Variants in VWCE observed in about 807,000 individuals in gnomAD.
VWCE encodes the protein von Willebrand factor C and EGF domains.
In VWCE, 68 loss-of-function variants were observed where a neutral mutation model predicts 102.9. The observed-to-expected ratio is 0.66, with a 90% confidence interval of 0.54 to 0.81. The LOEUF is 0.81. VWCE is among the 30% of genes least tolerant of loss of function. The probability of loss-of-function intolerance (pLI) is 0.00; values close to 1 mark genes in which losing one functional copy is unlikely to be tolerated. For synonymous variants in VWCE, 497 were observed against 515.4 expected, an observed-to-expected ratio of 0.96 and a Z score of 0.48; for missense variants, 1,137 against 1,263.6, an observed-to-expected ratio of 0.90 and a Z score of 1.52.
chr11:61,271,837 G>A (rs974449161), intron 13 of VWCE, 77 bp from the exon 14 acceptor site: 100 of 1,279,298 alleles, frequency 7.8e-5, no homozygotes, highest in African/African-American at 7.5e-4. Context: ...TGCCTCATGC[G>A]CACAAACACA....
chr11:61,262,069 TCA>T (rs1854376193), intron 19 of VWCE, among the ~76,000 whole-genome samples: 1 of 152,118 alleles, frequency 6.6e-6, no homozygotes, highest in South Asian at 2.1e-4. Context: ...TTCTCCTGCC[TCA>T]GCCTCCCAAA....
In VWCE at chr11:61,291,299, G is replaced by A. The variant is rs561200697; in HGVS notation, c.260C>T (p.Ser87Phe). 40 of 1,608,072 alleles carry A rather than the reference G, an allele frequency of 2.5e-5. No individual in the cohort carries two copies. In the South Asian group the frequency reaches 4.2e-4, roughly 17 times the overall value. Residue 87 changes from serine to phenylalanine, a missense_variant, in exon 3 of 20, where the codon TCC becomes TTC. Ser to Phe is a radical substitution (Grantham distance 155). Transcript: ENST00000335613. Reference sequence around the variant, plus strand: ...GGCCCCTTGCTCTCCATCCTGGCAGGAGCAGACATTGGGAGCGATGCAGAT... The same window carrying A: ...GGCCCCTTGCTCTCCATCCTGGCAGAAGCAGACATTGGGAGCGATGCAGAT... ...SGICIAPNVCSCQDGEQGATC... is the reference protein window; with the variant it reads ...SGICIAPNVCFCQDGEQGATC...
At chr11:61,259,335 A>G in intron 19 of VWCE, 23 bp from the exon 20 acceptor site, 1 of 1,548,536 alleles carries the variant, frequency 6.5e-7, no homozygotes, top group Non-Finnish European at 8.7e-7. Flanking sequence ...GGGTGAAACG[A>G]GATGCACAAT....
chr11:61,280,935 T>C lies in VWCE; in HGVS notation c.1088A>G (p.Glu363Gly). The C allele has an allele frequency of 1.3e-6, 2 of 1,526,674 alleles. No individual in the cohort carries two copies. The highest frequency in any genetic ancestry group is 2.3e-5 in the East Asian group (1 of 43,982). 94.6% of individuals were successfully genotyped at this position (1,526,674 alleles called of 1,614,324 possible). A position where few individuals can be genotyped will look rare whatever the true frequency, so the allele number is the denominator to read the frequency against. ...GGGTGAGGAAGGGGTCCCCATCACCTCCCCCTGAAGGAGTGAGGGGGGTCT... is the reference window on the plus strand; with the variant it reads ...GGGTGAGGAAGGGGTCCCCATCACCCCCCCCTGAAGGAGTGAGGGGGGTCT... ...NLRPPSLLQG[E>G]VMGTPSSPRG... The change falls in exon 8 of 20, where the codon GAG becomes GGG. Residue 363 changes from glutamate (E) to glycine (G), a missense_variant. Physicochemically the swap from Glu to Gly is moderately conservative, Grantham distance 98. This residue lies in a region of VWCE where 575 missense variants were observed against 625.9 expected (regional missense o/e 0.92). Coordinates refer to ENST00000335613, the MANE Select transcript of VWCE (RefSeq NM_152718.2).
intron 13 of VWCE, 143 bp downstream of exon 13, chr11:61,273,056 T>G: frequency 2.6e-6 from 2 of 778,656 alleles, no homozygotes; most frequent in South Asian, 3.3e-5. Flanking sequence ...ACACAAAAAC[T>G]CACACTCATA....
Position 61,291,503 on chromosome 11 carries a change from C to G in VWCE, c.184G>C (p.Gly62Arg). Reference sequence around the variant, plus strand: ...TTACGCAGGGTGCAGTGCCCACCACCCATAGAGGGCGCCCAGCCAGGGCAG... The same window carrying G: ...TTACGCAGGGTGCAGTGCCCACCACGCATAGAGGGCGCCCAGCCAGGGCAG... ...GCCPGWAPSM[G>R]GGHCTLPLCS... The change falls in exon 2 of 20, where the codon GGT becomes CGT. Residue 62 changes from glycine to arginine, a missense_variant. Physicochemically the swap from Gly to Arg is moderately radical, Grantham distance 125. Coordinates refer to ENST00000335613, the MANE Select transcript of VWCE (RefSeq NM_152718.2). The G allele has an allele frequency of 6.5e-7, 1 of 1,537,640 alleles. No individual in the cohort carries two copies. Among genetic ancestry groups the G allele is most frequent in the Non-Finnish European group, 8.8e-7 (1 of 1,137,798 alleles).
intron 11 of VWCE, 113 bp downstream of exon 11, chr11:61,276,480 G>T: frequency 2.6e-6 from 2 of 765,408 alleles, no homozygotes; most frequent in South Asian, 6.4e-5. Context: ...CACTTTGAGA[G>T]GCTGAAGCAG....
chr11:61,273,443 T>G (rs1416548890), intron 12 of VWCE, 127 bp from the exon 13 acceptor site: 22 of 852,230 alleles, frequency 2.6e-5, no homozygotes, highest in Middle Eastern at 2.9e-4. Context: ...GACAAAGAAA[T>G]CTACTAAAGT....
At chr11:61,260,024 G>A (rs548277500) in intron 19 of VWCE, among the ~76,000 whole-genome samples, 1 of 152,318 alleles carries the variant, frequency 6.6e-6, no homozygotes, top group East Asian at 1.9e-4. Flanking sequence ...GAGAAGCCGA[G>A]GCGGCGGATC....
intron 3 of VWCE, 29 bp from the exon 4 acceptor site, chr11:61,290,956 G>A (rs1474359969): frequency 1.3e-6 from 2 of 1,597,162 alleles, no homozygotes; most frequent in Non-Finnish European, 1.7e-6. Flanking sequence ...CAGTGAGCAT[G>A]CACCCCGTGG....
At chr11:61,279,029 A>G (rs914129297) in intron 9 of VWCE, among the ~76,000 whole-genome samples, 2 of 150,902 alleles carry the variant, frequency 1.3e-5, no homozygotes, top group African/African-American at 4.9e-5. Context: ...ACAAAGCAAC[A>G]CTCCGTCTTA....
intron 18 of VWCE, 79 bp downstream of exon 18, chr11:61,264,877 C>A: frequency 6.8e-7 from 1 of 1,469,988 alleles, no homozygotes; most frequent in Non-Finnish European, 9.4e-7. Flanking sequence ...GGCTAAAGGG[C>A]TCCATGTTTT....
chr11:61,274,324 G>T (rs1034984415), intron 12 of VWCE, among the ~76,000 whole-genome samples, 175 bp downstream of exon 12: 1 of 152,170 alleles, frequency 6.6e-6, no homozygotes, highest in African/African-American at 2.4e-5. Flanking sequence ...GAAAGATGAA[G>T]TTCAAAGAGA....
chr11:61,259,773 C>G (rs1191068744), intron 19 of VWCE, among the ~76,000 whole-genome samples: 1 of 152,158 alleles, frequency 6.6e-6, no homozygotes, highest in African/African-American at 2.4e-5. Context: ...TATGGGAACT[C>G]TCTGTACTTT....
At chr11:61,267,406 G>T in intron 16 of VWCE, 56 bp downstream of exon 16, 2 of 1,549,686 alleles carry the variant, frequency 1.3e-6, no homozygotes, top group Non-Finnish European at 1.8e-6. Flanking sequence ...TTCAGGAGCC[G>T]ATGTCAGTTG....
intron 16 of VWCE, among the ~76,000 whole-genome samples, chr11:61,265,609 G>A (rs1236588267): frequency 6.6e-6 from 1 of 152,220 alleles, no homozygotes; most frequent in Non-Finnish European, 1.5e-5. Flanking sequence ...TTTACCGTGA[G>A]TTTCTCAATC....
At chr11:61,268,749 C>T (rs1235980400) in intron 15 of VWCE, among the ~76,000 whole-genome samples, 173 bp downstream of exon 15, 1 of 152,204 alleles carries the variant, frequency 6.6e-6, no homozygotes, top group Non-Finnish European at 1.5e-5. Context: ...GCCTCGAGCA[C>T]TCAGAGGGGG....
chr11:61,272,877 C>A (rs1196082133), intron 13 of VWCE, among the ~76,000 whole-genome samples: 2 of 151,836 alleles, frequency 1.3e-5, no homozygotes, highest in Non-Finnish European at 2.9e-5. Context: ...TACACACACA[C>A]CCACAGAGAG....
rs1342109800 is a variant in VWCE at position 61,295,308 on chromosome 11, G to C, written c.-271C>G. 3.2e-6 allele frequency: 1 copy of C among 310,802 alleles called. No homozygotes were observed. The highest frequency in any genetic ancestry group is 5.9e-6 in the Non-Finnish European group (1 of 169,992). The allele number at this position is 310,802 out of a possible 1,614,324, so 19.3% of individuals were successfully genotyped here. ...GCCGCCCGCCTGCTGATGCCTCTCC[G>C]AGAGGCGCGGAGCCCGGGGCGGGGG... On this transcript the variant is annotated 5_prime_UTR_variant, in exon 1 of 20. Coordinates refer to ENST00000335613, the MANE Select transcript of VWCE (RefSeq NM_152718.2). The surrounding 1 kb of genome is among the most constrained non-coding windows in gnomAD (Gnocchi z 4.6).
Sources: gnomAD v4.1 joint callset for allele counts (sites outside exome capture counted in the v4.1 genomes callset) on GRCh38, gnomAD v4.1.1 for gene constraint, gnomAD v4.1.1 regional missense constraint, Gnocchi (gnomAD v3.1) non-coding constraint, MANE v1.5 for transcripts, NCBI Gene and HGNC (gene_info 2026-07-23, HGNC 2026-07-21) for gene names.